The following CDH13 variants were observed in gnomAD, a reference collection of about 807,000 sequenced individuals.
CDH13 encodes the protein cadherin 13.
Under a neutral mutation model 63.8 loss-of-function variants are expected in CDH13, and 24 were observed. That is an observed-to-expected ratio of 0.38 (90% confidence interval 0.27 to 0.53). CDH13 has a LOEUF of 0.53. Ranked by LOEUF, CDH13 falls within the 20% of genes least tolerant of loss-of-function variation. The pLI is 0.85. For synonymous variants in CDH13, 503 were observed against 355.3 expected, an observed-to-expected ratio of 1.42 and a Z score of -4.67; for missense variants, 1,049 against 903.1, an observed-to-expected ratio of 1.16 and a Z score of -2.07.
At chr16:82,681,495 C>T (rs2150961230) in intron 1 of CDH13, among the ~76,000 whole-genome samples, 1 of 152,286 alleles carries the variant, frequency 6.6e-6, no homozygotes, top group East Asian at 1.9e-4. Context: ...TGTTTGTTTT[C>T]TGACAATTAA....
chr16:83,624,281 C>T (rs1463866240), intron 8 of CDH13, among the ~76,000 whole-genome samples: 1 of 151,662 alleles, frequency 6.6e-6, no homozygotes, highest in African/African-American at 2.4e-5. Context: ...TTTGGTCTCT[C>T]TGGGTCACAG....
At chr16:82,816,178 C>G (rs1426489135) in intron 1 of CDH13, among the ~76,000 whole-genome samples, 1 of 152,098 alleles carries the variant, frequency 6.6e-6, no homozygotes, top group South Asian at 2.1e-4. Context: ...ATACAAGGAG[C>G]CCCTCCTGGA....
chr16:83,209,997 C>T (rs1031156264), intron 4 of CDH13, among the ~76,000 whole-genome samples: 2 of 152,016 alleles, frequency 1.3e-5, no homozygotes, highest in Non-Finnish European at 2.9e-5. Flanking sequence ...CAGGTGGAGA[C>T]CCATCAAAGA....
chr16:83,595,095 A>G (rs1218773336), intron 7 of CDH13, among the ~76,000 whole-genome samples: 4 of 152,260 alleles, frequency 2.6e-5, no homozygotes, highest in South Asian at 2.1e-4. Flanking sequence ...ACTCTCTTAG[A>G]TATGTCTTAC....
At chr16:83,479,421 C>G (rs71402084) in intron 6 of CDH13, among the ~76,000 whole-genome samples, 16,037 of 152,206 alleles carry the variant, frequency 0.11, 934 homozygotes, top group Non-Finnish European at 0.13. Context: ...AATCCCAGCA[C>G]TTTGACGGGC....
At chr16:82,774,238 A>C (rs1262749484) in intron 1 of CDH13, among the ~76,000 whole-genome samples, 1 of 152,180 alleles carries the variant, frequency 6.6e-6, no homozygotes, top group Non-Finnish European at 1.5e-5. Flanking sequence ...AAAACAAAAA[A>C]ATAAGAAAGA....
At chr16:83,254,490 G>A (rs62040380) in intron 5 of CDH13, among the ~76,000 whole-genome samples, 4 of 152,152 alleles carry the variant, frequency 2.6e-5, no homozygotes, top group South Asian at 2.1e-4. Context: ...AACAAGGCAC[G>A]CAGGATCAAA....
At chr16:82,754,937 A>G (rs2151074836) in intron 1 of CDH13, among the ~76,000 whole-genome samples, 1 of 152,304 alleles carries the variant, frequency 6.6e-6, no homozygotes, top group East Asian at 1.9e-4. Context: ...ATTTTGTGAG[A>G]GCAATCATGT....
chr16:83,491,094 A>T (rs574817157), intron 7 of CDH13, among the ~76,000 whole-genome samples: 69 of 152,330 alleles, frequency 4.5e-4, no homozygotes, highest in Non-Finnish European at 8.5e-4. Flanking sequence ...TAAACAGAGG[A>T]AGTTACTTTA....
At chr16:82,930,539 AT>A (rs1379505423) in intron 2 of CDH13, among the ~76,000 whole-genome samples, 2 of 151,924 alleles carry the variant, frequency 1.3e-5, no homozygotes, top group Non-Finnish European at 2.9e-5. Context: ...TATCTATTTT[AT>A]TTTTTTAGAA....
chr16:83,428,752 C>T (rs2071996079), intron 6 of CDH13, among the ~76,000 whole-genome samples: 1 of 152,206 alleles, frequency 6.6e-6, no homozygotes, highest in Non-Finnish European at 1.5e-5. Flanking sequence ...GGGGAATAAG[C>T]TACACATATT....
chr16:83,098,428 A>G (rs968205126), intron 3 of CDH13, among the ~76,000 whole-genome samples: 1 of 152,154 alleles, frequency 6.6e-6, no homozygotes, highest in African/African-American at 2.4e-5. Context: ...TTTTCCACAT[A>G]TACACCACTT....
At chr16:83,533,618 C>CTTTTT (rs11365656) in intron 7 of CDH13, among the ~76,000 whole-genome samples, 4 of 116,102 alleles carry the variant, frequency 3.4e-5, no homozygotes, top group East Asian at 2.5e-4. Context: ...TTTACATTAT[C>CTTTTT]TTTTTTTTTT....
At chr16:83,304,817 G>A (rs1193567926) in intron 5 of CDH13, among the ~76,000 whole-genome samples, 1 of 151,990 alleles carries the variant, frequency 6.6e-6, no homozygotes, top group African/African-American at 2.4e-5. Flanking sequence ...GAGTGAATTA[G>A]GCTTCAGTAG....
intron 5 of CDH13, among the ~76,000 whole-genome samples, chr16:83,287,070 T>C (rs139698445): frequency 7.9e-5 from 12 of 152,252 alleles, no homozygotes; most frequent in Admixed American, 3.3e-4. Flanking sequence ...AAGGTACCCA[T>C]GTAAAAAGGC....
At chr16:82,820,837 G>A (rs1414009261) in intron 1 of CDH13, among the ~76,000 whole-genome samples, 1 of 152,082 alleles carries the variant, frequency 6.6e-6, no homozygotes, top group Non-Finnish European at 1.5e-5. Context: ...TTTCTTATTG[G>A]AGTATAACAA....
At chr16:83,315,153 A>G (rs1158590824) in intron 5 of CDH13, among the ~76,000 whole-genome samples, 1 of 152,226 alleles carries the variant, frequency 6.6e-6, no homozygotes, top group Non-Finnish European at 1.5e-5. Context: ...GATGCTTATA[A>G]TTGTGATCAT....
chr16:83,274,010 C>T (rs1205887376), intron 5 of CDH13, among the ~76,000 whole-genome samples: 2 of 152,188 alleles, frequency 1.3e-5, no homozygotes, highest in Non-Finnish European at 1.5e-5. Flanking sequence ...TTTCCATCTT[C>T]CTCTCCACCA....
intron 7 of CDH13, among the ~76,000 whole-genome samples, chr16:83,576,157 C>T (rs1007944548): frequency 3.9e-5 from 6 of 152,174 alleles, no homozygotes; most frequent in Non-Finnish European, 7.3e-5. Context: ...TAGCCTCTCC[C>T]ACTTCTTCCT....
Sources: allele counts gnomAD v4.1 joint callset (sites outside exome capture counted in the v4.1 genomes callset), GRCh38; gene constraint gnomAD v4.1.1; transcripts MANE v1.5; gene names NCBI Gene and HGNC (gene_info 2026-07-23, HGNC 2026-07-21).